Variants in MRPS28 observed in about 807,000 individuals in gnomAD.
The protein encoded by MRPS28 is mitochondrial ribosomal protein S28.
In MRPS28, 7 loss-of-function variants were observed where a neutral mutation model predicts 10.8. The ratio of observed to expected loss-of-function variants is 0.65; its 90% CI spans 0.37 to 1.22. The LOEUF is 1.22. Among genes scored for constraint, MRPS28 ranks in the 50% most tolerant of loss-of-function variants. The pLI, the probability that MRPS28 is intolerant of heterozygous loss-of-function variation, is 0.02. For synonymous variants in MRPS28, 121 were observed against 93.3 expected, an observed-to-expected ratio of 1.30 and a Z score of -1.71; for missense variants, 265 against 232.9, an observed-to-expected ratio of 1.14 and a Z score of -0.90.
chr8:79,984,299 A>G (rs1033304888), intron 2 of MRPS28, among the ~76,000 whole-genome samples: 7 of 152,244 alleles, frequency 4.6e-5, no homozygotes, highest in South Asian at 2.1e-4. Flanking sequence ...AGGAACAACC[A>G]GTACTAGCTA....
intron 2 of MRPS28, among the ~76,000 whole-genome samples, chr8:79,925,920 G>A (rs1018802901): frequency 1.3e-5 from 2 of 151,304 alleles, no homozygotes; most frequent in African/African-American, 2.4e-5. Context: ...CTGGCTGGTC[G>A]AGGCTATAGT....
chr8:79,953,284 C>A (rs1807124367), intron 2 of MRPS28, among the ~76,000 whole-genome samples: 1 of 152,120 alleles, frequency 6.6e-6, no homozygotes, highest in South Asian at 2.1e-4. Context: ...GAGTTTTTAA[C>A]TTCATTAGTA....
chr8:79,929,491 G>A (rs1586040541), intron 2 of MRPS28, among the ~76,000 whole-genome samples: 1 of 152,092 alleles, frequency 6.6e-6, no homozygotes. Context: ...TTGAAGGGAA[G>A]GAAGGCATTT....
At chr8:79,973,219 G>A (rs1020186601) in intron 2 of MRPS28, among the ~76,000 whole-genome samples, 20 of 152,132 alleles carry the variant, frequency 1.3e-4, no homozygotes, top group African/African-American at 3.9e-4. Context: ...TCCATTTACT[G>A]GATAAGCTTC....
intron 1 of MRPS28, among the ~76,000 whole-genome samples, chr8:80,005,625 C>T (rs56091417): frequency 0.011 from 1,634 of 152,306 alleles, 37 homozygotes; most frequent in African/African-American, 0.037. Flanking sequence ...ATCAAATTCA[C>T]ACATAACAAT....
intron 2 of MRPS28, among the ~76,000 whole-genome samples, chr8:79,981,460 T>C (rs1807950856): frequency 6.6e-6 from 1 of 152,210 alleles, no homozygotes; most frequent in South Asian, 2.1e-4. Flanking sequence ...GGAAAGATAT[T>C]TAGTTTCTCA....
intron 2 of MRPS28, among the ~76,000 whole-genome samples, chr8:79,940,716 T>C (rs1018441439): frequency 6.6e-6 from 1 of 152,162 alleles, no homozygotes; most frequent in Non-Finnish European, 1.5e-5. Flanking sequence ...CAATGCATCA[T>C]CTACATTTTA....
At chr8:79,990,340 T>C (rs976213942) in intron 2 of MRPS28, among the ~76,000 whole-genome samples, 12 of 152,148 alleles carry the variant, frequency 7.9e-5, no homozygotes, top group African/African-American at 2.7e-4. Flanking sequence ...CAGGCTCTTC[T>C]AGCTTTCTGT....
intron 2 of MRPS28, among the ~76,000 whole-genome samples, chr8:79,965,945 T>C (rs555409875): frequency 1.3e-5 from 2 of 152,164 alleles, no homozygotes; most frequent in African/African-American, 4.8e-5. Context: ...TCTGATTTTA[T>C]TCTTAAAAGT....
At chr8:80,029,501 AAAG>A (rs773452196) in intron 1 of MRPS28, among the ~76,000 whole-genome samples, 3 of 152,234 alleles carry the variant, frequency 2.0e-5, no homozygotes, top group Non-Finnish European at 4.4e-5. Context: ...CTTTTTAAAA[AAAG>A]AAGACATTTA....
intron 2 of MRPS28, among the ~76,000 whole-genome samples, chr8:79,995,741 G>A (rs1193422015): frequency 6.6e-6 from 1 of 152,186 alleles, no homozygotes; most frequent in Non-Finnish European, 1.5e-5. Context: ...CAGAATACAT[G>A]TTGAAGTCCA....
chr8:79,954,337 A>G (rs951697823), intron 2 of MRPS28, among the ~76,000 whole-genome samples: 1 of 152,320 alleles, frequency 6.6e-6, no homozygotes, highest in South Asian at 2.1e-4. Flanking sequence ...ATATATAGAT[A>G]TATCTATATA....
At chr8:79,958,097 A>G (rs1301989181) in intron 2 of MRPS28, 1 of 309,516 alleles carries the variant, frequency 3.2e-6, no homozygotes, top group Non-Finnish European at 5.8e-6. Flanking sequence ...AGCTTTTACC[A>G]TAACCTAATT....
chr8:79,966,026 A>G (rs1563528324), intron 2 of MRPS28, among the ~76,000 whole-genome samples: 1 of 152,110 alleles, frequency 6.6e-6, no homozygotes, highest in Non-Finnish European at 1.5e-5. Context: ...ACAGACTTCC[A>G]TATCTAGCAG....
chr8:79,949,559 A>G (rs1376839752), intron 2 of MRPS28, among the ~76,000 whole-genome samples: 1 of 152,198 alleles, frequency 6.6e-6, no homozygotes, highest in African/African-American at 2.4e-5. Flanking sequence ...CCAGCATTCA[A>G]TCAAACTACA....
intron 2 of MRPS28, among the ~76,000 whole-genome samples, chr8:79,945,817 C>T (rs1463013296): frequency 6.6e-6 from 1 of 151,942 alleles, no homozygotes; most frequent in Non-Finnish European, 1.5e-5. Context: ...AAAGGGTAAG[C>T]AAGCCCATTC....
intron 1 of MRPS28, among the ~76,000 whole-genome samples, chr8:80,014,793 G>A (rs748643773): frequency 6.6e-5 from 10 of 152,068 alleles, no homozygotes; most frequent in Admixed American, 1.3e-4. Context: ...TCTAGTATTT[G>A]TCAACCAAGA....
At chr8:79,951,229 G>A (rs1333987466) in intron 2 of MRPS28, among the ~76,000 whole-genome samples, 1 of 152,184 alleles carries the variant, frequency 6.6e-6, no homozygotes, top group African/African-American at 2.4e-5. Context: ...GGGCTTGTTA[G>A]TCTAGGCTCA....
chr8:79,982,411 C>T (rs868272624), intron 2 of MRPS28, among the ~76,000 whole-genome samples: 17 of 152,262 alleles, frequency 1.1e-4, no homozygotes, highest in Admixed American at 8.5e-4. Context: ...AGACAGTGGG[C>T]GCAGGACAGT....
Sources: gnomAD v4.1 joint callset for allele counts (sites outside exome capture counted in the v4.1 genomes callset) on GRCh38, gnomAD v4.1.1 for gene constraint, MANE v1.5 for transcripts, NCBI Gene and HGNC (gene_info 2026-07-23, HGNC 2026-07-21) for gene names.